QPCT: variants seen among roughly 807,000 people sequenced by gnomAD.
QPCT encodes EC.
A neutral mutation model predicts 43.4 loss-of-function variants in QPCT; 44 were observed. The observed-to-expected ratio is 1.01, with a 90% CI of 0.80 to 1.30. QPCT has a LOEUF of 1.30. Ranked by LOEUF, QPCT falls within the 50% of genes most tolerant of loss-of-function variation. The probability of loss-of-function intolerance (pLI) is 0.00; values close to 1 mark genes in which losing one functional copy is unlikely to be tolerated. For missense variants in QPCT, 526 were observed against 436.5 expected (o/e 1.21, Z -1.83); for synonymous variants, 168 against 168.4 (o/e 1.00, Z 0.02).
At position 37,356,449 on chromosome 2, in the gene QPCT, T is replaced by G. The variant is rs1472218378; in HGVS notation, c.268-3131T>G. ...GGCACTCCTGGAGGGTCCAGCCCTT[T>G]GCTGCTTTGGTATTGGGGAAGGCAG... On this transcript the variant is annotated intron_variant, in intron 2 of 6. Coordinates refer to ENST00000338415, the MANE Select transcript of QPCT (RefSeq NM_012413.4). Among the ~76,000 whole-genome samples the G allele has an allele frequency of 3.3e-5, 5 of 152,306 alleles. No individual in the cohort carries two copies. In the East Asian group the frequency reaches 9.7e-4, roughly 29 times the overall value.
At chr2:37,348,848 G>T (rs1672562292) in intron 1 of QPCT, among the ~76,000 whole-genome samples, 1 of 152,210 alleles carries the variant, frequency 6.6e-6, no homozygotes, top group African/African-American at 2.4e-5. Flanking sequence ...TCTTTTAACT[G>T]AGATAAACCT....
intron 5 of QPCT, among the ~76,000 whole-genome samples, chr2:37,370,565 T>C (rs1306861582): frequency 6.6e-6 from 1 of 152,214 alleles, no homozygotes; most frequent in Non-Finnish European, 1.5e-5. Flanking sequence ...TCTTCTATTT[T>C]CTACCTTATC....
chr2:37,344,690 G>A lies in QPCT; in HGVS notation c.-42G>A, dbSNP rs759956431. ...GACGCGCGTTCCCGGGCTCGTGACCGCCAGCGGCCCGGGGAACCCGCTCCC... is the reference window on the plus strand; with the variant it reads ...GACGCGCGTTCCCGGGCTCGTGACCACCAGCGGCCCGGGGAACCCGCTCCC... On this transcript the variant is annotated 5_prime_UTR_variant, in exon 1 of 7. Coordinates refer to ENST00000338415, the MANE Select transcript of QPCT (RefSeq NM_012413.4). 1 of 1,567,344 alleles carries A rather than the reference G, an allele frequency of 6.4e-7. No individual in the cohort carries two copies. The highest frequency in any genetic ancestry group is 1.2e-5 in the South Asian group (1 of 86,824).
Position 37,372,875 on chromosome 2 carries a change from G to A in QPCT, c.*48G>A. ...ATTGGTTCTAGAATTGAATTCAAAAGTCAAGGCATCATTTAAAATAATCTG... is the reference window on the plus strand; with the variant it reads ...ATTGGTTCTAGAATTGAATTCAAAAATCAAGGCATCATTTAAAATAATCTG... On this transcript the variant is annotated 3_prime_UTR_variant, in exon 7 of 7. Coordinates refer to ENST00000338415, the MANE Select transcript of QPCT (RefSeq NM_012413.4). The A allele has an allele frequency of 6.7e-7, 1 of 1,488,402 alleles. No homozygotes were observed. Among genetic ancestry groups the A allele is most frequent in the Non-Finnish European group, 9.2e-7 (1 of 1,092,624 alleles). The allele number at this position is 1,488,402 out of a possible 1,614,324, so 92.2% of individuals were successfully genotyped here. A position where few individuals can be genotyped will look rare whatever the true frequency, so the allele number is the denominator to read the frequency against.
rs1444177210 is a variant in QPCT at position 37,359,639 on chromosome 2, C to T, written c.327C>T (p.Phe109=). 1 of 1,614,140 alleles carries T rather than the reference C, an allele frequency of 6.2e-7. No individual in the cohort carries two copies. The highest frequency in any genetic ancestry group is 1.7e-5 in the Admixed American group (1 of 60,020). ...QADWVLEIDT[F]LSQTPYGYRS... ...ACTGGGTCTTGGAAATAGACACCTT[C>T]TTGAGTCAGACACCCTATGGGTACC... Residue 109 remains phenylalanine (F), a synonymous_variant, in exon 3 of 7, where the codon TTC becomes TTT. Transcript: ENST00000338415.
At chr2:37,349,782 T>A (rs994119776) in intron 1 of QPCT, among the ~76,000 whole-genome samples, 2 of 152,160 alleles carry the variant, frequency 1.3e-5, no homozygotes, top group African/African-American at 4.8e-5. Flanking sequence ...GTCTCTTCTG[T>A]CTTTATGCTT....
intron 5 of QPCT, among the ~76,000 whole-genome samples, chr2:37,370,923 G>T (rs1221348416): frequency 6.6e-6 from 1 of 152,188 alleles, no homozygotes; most frequent in Non-Finnish European, 1.5e-5. Context: ...TTGAAGGCAA[G>T]AATTTCATGC....
intron 2 of QPCT, 93 bp from the exon 3 acceptor site, chr2:37,359,487 T>C: frequency 8.3e-7 from 1 of 1,202,696 alleles, no homozygotes; most frequent in Non-Finnish European, 1.2e-6. Context: ...CCAATTTTAA[T>C]TTGAAAGGCA....
intron 2 of QPCT, among the ~76,000 whole-genome samples, chr2:37,357,775 C>G (rs1329077549): frequency 1.3e-5 from 2 of 152,110 alleles, no homozygotes; most frequent in South Asian, 4.1e-4. Context: ...TCCTTGGAAG[C>G]TTCCTGCCGC....
At chr2:37,371,381 C>T (rs1044737016) in intron 5 of QPCT, among the ~76,000 whole-genome samples, 7 of 133,174 alleles carry the variant, frequency 5.3e-5, no homozygotes, top group Non-Finnish European at 1.5e-5. Flanking sequence ...AAGCAGTGAG[C>T]TGAGGTGGCG....
At chr2:37,370,691 T>C (rs1009039062) in intron 5 of QPCT, among the ~76,000 whole-genome samples, 5 of 152,046 alleles carry the variant, frequency 3.3e-5, no homozygotes, top group Admixed American at 6.6e-5. Flanking sequence ...TAAATGGGAG[T>C]TGACTAGGCC....
At position 37,367,352 on chromosome 2, in the gene QPCT, A is replaced by T. The variant is rs748245787; in HGVS notation, c.667A>T (p.Met223Leu). The change falls in exon 4 of 7, where the codon ATG becomes TTG. Residue 223 changes from methionine (M) to leucine (L), a missense_variant. Physicochemically the swap from Met to Leu is conservative, Grantham distance 15 (BLOSUM62 2). Transcript: ENST00000338415. ...LYGSRHLAAKMASTPHPPGAR... is the reference protein window; with the variant it reads ...LYGSRHLAAKLASTPHPPGAR... ...TGGGTCTCGACACTTAGCTGCAAAGATGGCATCGACCCCGCACCCACCTGG... is the reference window on the plus strand; with the variant it reads ...TGGGTCTCGACACTTAGCTGCAAAGTTGGCATCGACCCCGCACCCACCTGG... 3.7e-6 allele frequency: 6 copies of T among 1,614,014 alleles called. No individual in the cohort carries two copies. Among genetic ancestry groups the T allele is most frequent in the African/African-American group, 1.3e-5 (1 of 75,010 alleles).
At chr2:37,371,956 C>G (rs1673085270) in intron 5 of QPCT, among the ~76,000 whole-genome samples, 1 of 152,142 alleles carries the variant, frequency 6.6e-6, no homozygotes, top group African/African-American at 2.4e-5. Flanking sequence ...TGAGTATTCC[C>G]CTTTTAAGCC....
chr2:37,367,361 A>G lies in QPCT; in HGVS notation c.676A>G (p.Thr226Ala). Residue 226 changes from threonine to alanine, a missense_variant, in exon 4 of 7, where the codon ACC (threonine) becomes GCC (alanine). Thr to Ala is a moderately conservative substitution (Grantham distance 58, BLOSUM62 0). Coordinates refer to ENST00000338415, the MANE Select transcript of QPCT (RefSeq NM_012413.4). ...SRHLAAKMAS[T>A]PHPPGARGTS... ...ACACTTAGCTGCAAAGATGGCATCG[A>G]CCCCGCACCCACCTGGAGCGAGAGG... The G allele has an allele frequency of 6.2e-7, 1 of 1,613,838 alleles. No homozygotes were observed.
chr2:37,369,090 G>A (rs1673022520), intron 4 of QPCT, among the ~76,000 whole-genome samples: 1 of 152,174 alleles, frequency 6.6e-6, no homozygotes, highest in African/African-American at 2.4e-5. Flanking sequence ...GTAGTCTTCA[G>A]AGAGTCCTCG....
At chr2:37,350,811 C>A (rs1672604590) in intron 1 of QPCT, among the ~76,000 whole-genome samples, 1 of 152,196 alleles carries the variant, frequency 6.6e-6, no homozygotes, top group African/African-American at 2.4e-5. Context: ...GAAATAGTAA[C>A]TAACACATTG....
intron 3 of QPCT, among the ~76,000 whole-genome samples, chr2:37,360,746 G>A (rs75367805): frequency 1.0e-3 from 159 of 152,236 alleles, no homozygotes; most frequent in African/African-American, 3.8e-3. Context: ...TACCCTCTCA[G>A]TCTCCTTTTC....
chr2:37,358,059 T>C (rs2124936319), intron 2 of QPCT, among the ~76,000 whole-genome samples: 1 of 151,956 alleles, frequency 6.6e-6, no homozygotes, highest in Non-Finnish European at 1.5e-5. Flanking sequence ...GTCGTTTGAC[T>C]TTTTATAAAA....
At chr2:37,361,233 T>A (rs2124938568) in intron 3 of QPCT, among the ~76,000 whole-genome samples, 1 of 152,310 alleles carries the variant, frequency 6.6e-6, no homozygotes, top group South Asian at 2.1e-4. Flanking sequence ...ACTAAATTGG[T>A]ATTGAGAAGT....
Sources: allele counts gnomAD v4.1 joint callset (sites outside exome capture counted in the v4.1 genomes callset), GRCh38; gene constraint gnomAD v4.1.1; transcripts MANE v1.5; gene names NCBI Gene and HGNC (gene_info 2026-07-23, HGNC 2026-07-21).